The following PTPN11 variants were observed in gnomAD, a reference collection of about 807,000 sequenced individuals.
The protein encoded by PTPN11 is tyrosine-protein phosphatase non-receptor type 11.
Under a neutral mutation model 78.8 loss-of-function variants are expected in PTPN11, and 6 were observed. The observed-to-expected ratio is 0.08, with a 90% CI of 0.04 to 0.15. The LOEUF is 0.15. Ranked by LOEUF, PTPN11 falls within the 10% of genes least tolerant of loss-of-function variation. The pLI, the probability that PTPN11 is intolerant of heterozygous loss-of-function variation, is 1.00. For missense variants in PTPN11, 386 were observed against 744.8 expected (o/e 0.52, Z 5.61); for synonymous variants, 221 against 263.5 (o/e 0.84, Z 1.56).
At chr12:112,439,538 G>A (rs1028546599) in intron 1 of PTPN11, among the ~76,000 whole-genome samples, 1 of 151,690 alleles carries the variant, frequency 6.6e-6, no homozygotes, top group Non-Finnish European at 1.5e-5. Flanking sequence ...CTGTGATCTC[G>A]GCTCTCTGTA....
At chr12:112,449,111 T>C (rs960627524) in intron 2 of PTPN11, among the ~76,000 whole-genome samples, 2 of 151,102 alleles carry the variant, frequency 1.3e-5, no homozygotes, top group African/African-American at 2.4e-5. Context: ...GGTATCGGTC[T>C]GCTGACCTCA....
intron 6 of PTPN11, among the ~76,000 whole-genome samples, chr12:112,469,856 A>G (rs910827987): frequency 1.3e-5 from 2 of 152,154 alleles, no homozygotes; most frequent in Non-Finnish European, 2.9e-5. Flanking sequence ...AAGGAGAAAA[A>G]GAGGAGTTCA....
intron 1 of PTPN11, among the ~76,000 whole-genome samples, chr12:112,445,427 C>T (rs1432236553): frequency 6.6e-6 from 1 of 152,080 alleles, no homozygotes; most frequent in Admixed American, 6.6e-5. Flanking sequence ...CCACTGTTCC[C>T]ATCCAGAAGC....
chr12:112,457,190 C>A, intron 6 of PTPN11: 1 of 364,718 alleles, frequency 2.7e-6, no homozygotes, highest in Non-Finnish European at 5.4e-6. Context: ...AGGTGGACCA[C>A]TTGAATCCAG....
At chr12:112,486,681 G>T (rs754399124) in intron 11 of PTPN11, 52 bp downstream of exon 11, 2 of 1,603,594 alleles carry the variant, frequency 1.2e-6, no homozygotes, top group Non-Finnish European at 8.5e-7. Flanking sequence ...GTCTCCTAGC[G>T]CCCAGGGCTT....
intron 4 of PTPN11, 105 bp downstream of exon 4, chr12:112,453,492 A>T (rs1276435181): frequency 1.4e-5 from 10 of 697,148 alleles, no homozygotes; most frequent in African/African-American, 3.7e-5. Flanking sequence ...ATTGTCTTTT[A>T]TTTATTTATT....
In PTPN11 at chr12:112,504,793, A is replaced by G. The variant is rs927329280; in HGVS notation, c.*29A>G. 1.3e-6 allele frequency: 2 copies of G among 1,522,460 alleles called. No homozygotes were observed. The highest frequency in any genetic ancestry group is 1.4e-5 in the African/African-American group (1 of 72,810). 94.3% of individuals were successfully genotyped at this position (1,522,460 alleles called of 1,614,324 possible). ...AACCTGCCAAAACTTCAGCACAGAA[A>G]TAGGTATTTAAATGCAAGTGCTCTA... On this transcript the variant is annotated 3_prime_UTR_variant, in exon 15 of 16. Transcript: ENST00000351677. The surrounding 1 kb of genome is among the most constrained non-coding windows in gnomAD (Gnocchi z 4.7).
intron 6 of PTPN11, among the ~76,000 whole-genome samples, chr12:112,468,928 G>A (rs1217644309): frequency 6.6e-6 from 1 of 152,162 alleles, no homozygotes. Context: ...GCCAGATGTG[G>A]TGGTGCGTGC....
At chr12:112,432,025 A>C (rs935768187) in intron 1 of PTPN11, among the ~76,000 whole-genome samples, 1 of 152,198 alleles carries the variant, frequency 6.6e-6, no homozygotes, top group East Asian at 1.9e-4. Context: ...CAGTAAGAAA[A>C]AAAATCTAAT....
At chr12:112,456,146 G>A (rs2038156336) in intron 6 of PTPN11, 83 bp downstream of exon 6, 3 of 899,842 alleles carry the variant, frequency 3.3e-6, no homozygotes, top group African/African-American at 1.7e-5. Flanking sequence ...GTTTGGAATT[G>A]GACCTGAGAG....
intron 6 of PTPN11, among the ~76,000 whole-genome samples, chr12:112,469,636 T>C (rs1170514542): frequency 6.6e-6 from 1 of 152,074 alleles, no homozygotes; most frequent in African/African-American, 2.4e-5. Flanking sequence ...TGCCTCAGGC[T>C]TCCAAGTAGC....
intron 13 of PTPN11, among the ~76,000 whole-genome samples, chr12:112,493,033 G>A (rs1227668149): frequency 6.6e-6 from 1 of 151,424 alleles, no homozygotes; most frequent in Non-Finnish European, 1.5e-5. Flanking sequence ...TCAAAATTGA[G>A]TTAAATAATG....
At chr12:112,441,225 A>C (rs1307745255) in intron 1 of PTPN11, among the ~76,000 whole-genome samples, 1 of 151,300 alleles carries the variant, frequency 6.6e-6, no homozygotes, top group African/African-American at 2.4e-5. Flanking sequence ...CGGCCTCCCA[A>C]AGTGCTGGGA....
intron 6 of PTPN11, among the ~76,000 whole-genome samples, chr12:112,464,376 CAA>C (rs2038294673): frequency 6.6e-6 from 1 of 152,004 alleles, no homozygotes; most frequent in Admixed American, 6.6e-5. Context: ...ATTGCAAACC[CAA>C]GTCTTTGATT....
At chr12:112,434,234 C>G (rs985479733) in intron 1 of PTPN11, among the ~76,000 whole-genome samples, 1 of 151,982 alleles carries the variant, frequency 6.6e-6, no homozygotes, top group Admixed American at 6.6e-5. Flanking sequence ...GAGCCATGAT[C>G]ACACCTCTGC....
At chr12:112,421,315 A>G (rs547770614) in intron 1 of PTPN11, among the ~76,000 whole-genome samples, 3 of 152,372 alleles carry the variant, frequency 2.0e-5, no homozygotes, top group South Asian at 4.1e-4. Context: ...ACATACATAT[A>G]CACTTGGGAA....
At chr12:112,429,250 C>A (rs1217841888) in intron 1 of PTPN11, among the ~76,000 whole-genome samples, 72 of 152,234 alleles carry the variant, frequency 4.7e-4, no homozygotes, top group Non-Finnish European at 2.2e-4. Context: ...TTATTAAGTC[C>A]TTACTGTCTC....
At chr12:112,433,627 C>G (rs1057394404) in intron 1 of PTPN11, among the ~76,000 whole-genome samples, 1 of 152,160 alleles carries the variant, frequency 6.6e-6, no homozygotes, top group Non-Finnish European at 1.5e-5. Context: ...ATGGCACATT[C>G]ATACAATGGG....
intron 2 of PTPN11, 66 bp downstream of exon 2, chr12:112,446,464 T>G: frequency 6.2e-7 from 1 of 1,607,780 alleles, no homozygotes. Context: ...AAAACCATGC[T>G]TGGATAGCTT....
Sources: gnomAD v4.1 joint callset for allele counts (sites outside exome capture counted in the v4.1 genomes callset) on GRCh38, gnomAD v4.1.1 for gene constraint, Gnocchi (gnomAD v3.1) non-coding constraint, MANE v1.5 for transcripts, NCBI Gene and HGNC (gene_info 2026-07-23, HGNC 2026-07-21) for gene names.